FTO: variants seen among roughly 807,000 people sequenced by gnomAD.
FTO encodes the protein alpha-ketoglutarate-dependent dioxygenase FTO.
FTO carries 47 observed loss-of-function variants against 63.9 expected under a neutral mutation model. The observed-to-expected ratio is 0.74, with a 90% CI of 0.58 to 0.94. The LOEUF (loss-of-function observed/expected upper bound fraction) is 0.94. Among genes scored for constraint, FTO ranks in the 40% least tolerant of loss-of-function variants. The pLI is 0.00. For missense variants in FTO, 562 were observed against 618.1 expected, an observed-to-expected ratio of 0.91 and a Z score of 0.96; for synonymous variants, 207 against 224.4, an observed-to-expected ratio of 0.92 and a Z score of 0.69.
At chr16:53,953,940 A>G (rs1364076483) in intron 8 of FTO, among the ~76,000 whole-genome samples, 2 of 152,240 alleles carry the variant, frequency 1.3e-5, no homozygotes, top group African/African-American at 2.4e-5. Context: ...ATATTGAACT[A>G]GTAAAATACG....
chr16:54,098,966 T>G (rs1236427507), intron 8 of FTO, among the ~76,000 whole-genome samples: 1 of 152,240 alleles, frequency 6.6e-6, no homozygotes. Flanking sequence ...TATTCTGGAA[T>G]CTTTCTGAAG....
At chr16:53,972,712 T>C (rs2083352784) in intron 8 of FTO, among the ~76,000 whole-genome samples, 1 of 152,206 alleles carries the variant, frequency 6.6e-6, no homozygotes, top group Admixed American at 6.5e-5. Flanking sequence ...TGCCTACATT[T>C]CAATCAGCTC....
intron 1 of FTO, among the ~76,000 whole-genome samples, chr16:53,711,746 T>C (rs2075782451): frequency 6.6e-6 from 1 of 152,226 alleles, no homozygotes; most frequent in Non-Finnish European, 1.5e-5. Flanking sequence ...AACTAGTTTA[T>C]TATGGAAATG....
intron 8 of FTO, among the ~76,000 whole-genome samples, chr16:54,028,144 A>G (rs1235226324): frequency 2.0e-5 from 3 of 152,140 alleles, no homozygotes; most frequent in Non-Finnish European, 4.4e-5. Context: ...TTTGAGATGA[A>G]TGTTTTGATA....
intron 1 of FTO, among the ~76,000 whole-genome samples, chr16:53,740,399 A>T (rs1040360921): frequency 6.6e-6 from 1 of 152,240 alleles, no homozygotes; most frequent in African/African-American, 2.4e-5. Flanking sequence ...TCTAACTTGT[A>T]TCTTCATGTT....
At position 53,930,514 on chromosome 16, in the gene FTO, C is replaced by T. The variant is rs139303847; in HGVS notation, c.1240-3471C>T. Among the ~76,000 whole-genome samples the T allele has an allele frequency of 3.4e-3, 513 of 152,106 alleles. 2 individuals are homozygous for T. The highest frequency in any genetic ancestry group is 0.032 in the South Asian group (155 of 4,812). ...CTGGGATTACAGGCCTGAGCCACCGCGCCAGGCCAATTATCTTCTCATTTA... is the reference window on the plus strand; with the variant it reads ...CTGGGATTACAGGCCTGAGCCACCGTGCCAGGCCAATTATCTTCTCATTTA... On this transcript the variant is annotated intron_variant, in intron 7 of 8. Coordinates refer to ENST00000471389, the MANE Select transcript of FTO (RefSeq NM_001080432.3).
intron 7 of FTO, among the ~76,000 whole-genome samples, chr16:53,912,680 C>T (rs1009835398): frequency 6.6e-6 from 1 of 152,126 alleles, no homozygotes; most frequent in African/African-American, 2.4e-5. Flanking sequence ...GACTTGTTCA[C>T]CGGTTCATTT....
Position 53,783,050 on chromosome 16 carries a change from C to T in FTO, c.46-27090C>T, listed in dbSNP as rs575338836. On this transcript the variant is annotated intron_variant, in intron 1 of 8. Transcript: ENST00000471389. ...AGTAATTTAACAAACATCGATTGAACCTATTATGTATCAGGCACTATACCA... is the reference window on the plus strand; with the variant it reads ...AGTAATTTAACAAACATCGATTGAATCTATTATGTATCAGGCACTATACCA... Among the ~76,000 whole-genome samples the T allele has an allele frequency of 3.9e-3, 592 of 152,272 alleles. 5 individuals carry two copies. The highest frequency in any genetic ancestry group is 0.013 in the African/African-American group (558 of 41,540).
At position 53,848,189 on chromosome 16, in the gene FTO, T is replaced by TAA. The variant is rs1455197133; in HGVS notation, c.895+3891_895+3892insAA. Among the ~76,000 whole-genome samples the TAA allele has an allele frequency of 1.1e-3, 170 of 152,352 alleles. 1 individual carries two copies. The highest frequency in any genetic ancestry group is 3.8e-3 in the African/African-American group (160 of 41,586). ...TCTAATGCTGCCTTTTCTCTTTACTTTTAAATCCAAATAGCACAAGGAGCC... is the reference window on the plus strand; with the variant it reads ...TCTAATGCTGCCTTTTCTCTTTACTTAATTAAATCCAAATAGCACAAGGAGCC... On this transcript the variant is annotated intron_variant, in intron 4 of 8. Transcript: ENST00000471389.
At chr16:53,854,989 A>T (rs961202087) in intron 4 of FTO, among the ~76,000 whole-genome samples, 6 of 151,006 alleles carry the variant, frequency 4.0e-5, no homozygotes, top group Non-Finnish European at 8.8e-5. Flanking sequence ...CTTTGTAGAG[A>T]TCTTCTACTA....
At chr16:54,107,310 A>G (rs2086778510) in intron 8 of FTO, among the ~76,000 whole-genome samples, 1 of 152,116 alleles carries the variant, frequency 6.6e-6, no homozygotes, top group African/African-American at 2.4e-5. Flanking sequence ...GGAAACTGTA[A>G]CTTTCTAATT....
intron 1 of FTO, among the ~76,000 whole-genome samples, chr16:53,784,568 C>T (rs2077682870): frequency 6.6e-6 from 1 of 152,092 alleles, no homozygotes; most frequent in Middle Eastern, 3.2e-3. Context: ...GGAGAGGCTC[C>T]TCTGGGTGGG....
intron 8 of FTO, among the ~76,000 whole-genome samples, chr16:53,942,113 C>T (rs2082543800): frequency 6.6e-6 from 1 of 152,106 alleles, no homozygotes; most frequent in African/African-American, 2.4e-5. Context: ...TTTTCTCAAC[C>T]TTGCCTGGTG....
chr16:53,732,616 C>T (rs566145492), intron 1 of FTO, among the ~76,000 whole-genome samples: 1 of 152,272 alleles, frequency 6.6e-6, no homozygotes, highest in African/African-American at 2.4e-5. Context: ...TCAACATGCA[C>T]TAAAATGTGA....
intron 7 of FTO, among the ~76,000 whole-genome samples, chr16:53,926,791 A>G (rs552567198): frequency 1.2e-4 from 18 of 152,286 alleles, no homozygotes; most frequent in South Asian, 6.2e-4. Context: ...ATAAAATATG[A>G]GAAGTAAGCA....
intron 6 of FTO, among the ~76,000 whole-genome samples, chr16:53,881,249 T>C (rs1010781748): frequency 2.6e-5 from 4 of 152,212 alleles, no homozygotes; most frequent in Admixed American, 2.0e-4. Context: ...GGAGGCTAGA[T>C]AACATGTACA....
At chr16:53,730,272 A>G (rs546453115) in intron 1 of FTO, among the ~76,000 whole-genome samples, 15 of 152,350 alleles carry the variant, frequency 9.8e-5, no homozygotes, top group African/African-American at 3.4e-4. Context: ...ACACCAGGAT[A>G]TAGTGTCACT....
At chr16:53,820,971 C>T (rs2151762342) in intron 2 of FTO, among the ~76,000 whole-genome samples, 1 of 152,054 alleles carries the variant, frequency 6.6e-6, no homozygotes, top group East Asian at 1.9e-4. Flanking sequence ...GAATATTTTC[C>T]CATGCCATTA....
chr16:53,754,902 A>G (rs1314663643), intron 1 of FTO, among the ~76,000 whole-genome samples: 19 of 152,154 alleles, frequency 1.2e-4, no homozygotes, highest in Admixed American at 1.1e-3. Flanking sequence ...TCGTATGACA[A>G]TATGCTGATA....
Sources: gnomAD v4.1 joint callset for allele counts (sites outside exome capture counted in the v4.1 genomes callset) on GRCh38, gnomAD v4.1.1 for gene constraint, MANE v1.5 for transcripts, NCBI Gene and HGNC (gene_info 2026-07-23, HGNC 2026-07-21) for gene names.